RBPMS: variants seen among roughly 807,000 people sequenced by gnomAD.
RBPMS encodes RNA-binding protein with multiple splicing.
In RBPMS, 7 loss-of-function variants were observed where a neutral mutation model predicts 26.8. The observed-to-expected ratio is 0.26, with a 90% CI of 0.15 to 0.49. The LOEUF (loss-of-function observed/expected upper bound fraction) is 0.49. RBPMS is among the 20% of genes least tolerant of loss of function. RBPMS has a pLI of 0.98. For synonymous variants in RBPMS, 96 were observed against 93.3 expected (o/e 1.03, Z -0.17); for missense variants, 186 against 250.0 (o/e 0.74, Z 1.73).
chr8:30,467,578 TGACTGAAACCAG>T (rs148612533), intron 1 of RBPMS, among the ~76,000 whole-genome samples: 3,164 of 152,330 alleles, frequency 0.021, 130 homozygotes, highest in African/African-American at 0.072. Flanking sequence ...AATACCCCTT[TGACTGAAACCAG>T]GATGTTTCTG....
intron 1 of RBPMS, among the ~76,000 whole-genome samples, chr8:30,418,387 T>C (rs1199375090): frequency 6.6e-6 from 1 of 152,184 alleles, no homozygotes; most frequent in African/African-American, 2.4e-5. Flanking sequence ...GGCTTAGAGA[T>C]TGTCCTTCTT....
intron 4 of RBPMS, among the ~76,000 whole-genome samples, chr8:30,498,364 T>C (rs116172909): frequency 0.012 from 1,836 of 152,318 alleles, 37 homozygotes; most frequent in African/African-American, 0.039. Flanking sequence ...ATAATATATA[T>C]TCATAAGTGG....
chr8:30,515,867 G>C (rs1051668749), intron 5 of RBPMS, among the ~76,000 whole-genome samples: 2 of 151,976 alleles, frequency 1.3e-5, no homozygotes, highest in East Asian at 3.9e-4. Context: ...TTGTTGCCCA[G>C]GCTGGTCTTG....
At position 30,537,529 on chromosome 8, in the gene RBPMS, A is replaced by G. The variant is rs1184986398; in HGVS notation, c.398-6965A>G. On this transcript the variant is annotated intron_variant, in intron 5 of 8. Transcript: ENST00000397323. ...AATAGAAGTAGGGATGGGAATGAGA[A>G]AGACATAGAGAATATGTCTTTACAT... The G allele has an allele frequency of 1.1e-5, 5 of 456,042 alleles. No individual in the cohort carries two copies. The East Asian group carries it at 3.5e-4, about 32-fold the overall frequency. 28.2% of individuals were successfully genotyped at this position (456,042 alleles called of 1,614,324 possible).
intron 1 of RBPMS, among the ~76,000 whole-genome samples, chr8:30,424,852 G>GT (rs888036568): frequency 2.0e-5 from 3 of 152,110 alleles, no homozygotes; most frequent in African/African-American, 7.2e-5. Flanking sequence ...GTATTTCCAA[G>GT]TTTTTTGACA....
chr8:30,556,194 T>C (rs1424957602), intron 6 of RBPMS: 3 of 985,374 alleles, frequency 3.0e-6, no homozygotes, highest in Non-Finnish European at 3.6e-6. Flanking sequence ...CGCCACCACA[T>C]CCACTCTGAG....
intron 5 of RBPMS, among the ~76,000 whole-genome samples, chr8:30,524,275 T>C (rs977495284): frequency 6.6e-6 from 1 of 152,202 alleles, no homozygotes; most frequent in African/African-American, 2.4e-5. Flanking sequence ...TTATTGTCTT[T>C]TGGTTATGTT....
chr8:30,451,308 A>G (rs1019763710), intron 1 of RBPMS, among the ~76,000 whole-genome samples: 1 of 152,204 alleles, frequency 6.6e-6, no homozygotes, highest in African/African-American at 2.4e-5. Flanking sequence ...TCTGTTTATA[A>G]TAAACTTCAT....
intron 8 of RBPMS, among the ~76,000 whole-genome samples, chr8:30,570,171 G>T (rs1828172115): frequency 6.6e-6 from 1 of 151,668 alleles, no homozygotes; most frequent in Admixed American, 6.6e-5. Context: ...AATCTAACTT[G>T]GGACAAAATC....
intron 3 of RBPMS, among the ~76,000 whole-genome samples, chr8:30,478,778 G>A (rs781739058): frequency 6.6e-6 from 1 of 152,200 alleles, no homozygotes; most frequent in Non-Finnish European, 1.5e-5. Flanking sequence ...GATTACAGGC[G>A]TGAGCCACCC....
At chr8:30,444,414 C>A (rs938962366) in intron 1 of RBPMS, among the ~76,000 whole-genome samples, 3 of 152,164 alleles carry the variant, frequency 2.0e-5, no homozygotes, top group Non-Finnish European at 2.9e-5. Flanking sequence ...CCAGACTCAG[C>A]ACTATAGGCT....
intron 1 of RBPMS, among the ~76,000 whole-genome samples, chr8:30,391,646 C>T (rs1276406005): frequency 6.6e-6 from 1 of 152,156 alleles, no homozygotes; most frequent in East Asian, 1.9e-4. Flanking sequence ...ATGGGGATAA[C>T]TCCTCACACT....
intron 5 of RBPMS, among the ~76,000 whole-genome samples, chr8:30,530,754 G>A (rs1346508696): frequency 4.6e-5 from 7 of 152,096 alleles, no homozygotes; most frequent in South Asian, 2.1e-4. Flanking sequence ...GAGCCACCAC[G>A]CCTGGCCATT....
intron 6 of RBPMS, among the ~76,000 whole-genome samples, chr8:30,548,494 A>C (rs1826039029): frequency 6.6e-6 from 1 of 152,226 alleles, no homozygotes; most frequent in African/African-American, 2.4e-5. Flanking sequence ...GTCCAGAGTA[A>C]CAGCAGTTCT....
intron 6 of RBPMS, among the ~76,000 whole-genome samples, chr8:30,555,702 T>TCCCCATTA (rs1826815554): frequency 6.6e-6 from 1 of 152,238 alleles, no homozygotes; most frequent in Admixed American, 6.5e-5. Context: ...ACTAGCCTGC[T>TCCCCATTA]GAACTGTTTG....
intron 1 of RBPMS, among the ~76,000 whole-genome samples, chr8:30,430,926 C>CTTATT (rs1811858537): frequency 6.6e-6 from 1 of 152,122 alleles, no homozygotes. Flanking sequence ...ACAAGGCCTT[C>CTTATT]TTATTTGGTG....
At chr8:30,518,686 A>ATTTTTTTT (rs1563402271) in intron 5 of RBPMS, among the ~76,000 whole-genome samples, 1 of 8,106 alleles carries the variant, frequency 1.2e-4, no homozygotes, top group Non-Finnish European at 3.3e-4. Context: ...GCCAAGCATG[A>ATTTTTTTT]CTTTTTTTTT....
Position 30,558,918 on chromosome 8 carries a change from C to T in RBPMS, c.560C>T (p.Ser187Phe). ...TGGCTCCCTCCCTCCGAGGCTACTT[C>T]TCAGGGCTGGAAGTCCCGTCAGTTC... is the stretch of plus-strand genomic sequence containing the variant. ...MRWLPPSEAT[S>F]QGWKSRQFC The change falls in exon 7 of 9, where the codon TCT (serine) becomes TTT (phenylalanine). Residue 187 changes from serine (S) to phenylalanine (F), a missense_variant. Coordinates refer to ENST00000397323, the MANE Select transcript of RBPMS (RefSeq NM_001008710.3). The T allele has an allele frequency of 6.2e-7, 1 of 1,614,214 alleles. No individual in the cohort carries two copies. The highest frequency in any genetic ancestry group is 1.1e-5 in the South Asian group (1 of 91,092).
At chr8:30,439,163 T>C (rs1460359406) in intron 1 of RBPMS, among the ~76,000 whole-genome samples, 1 of 152,244 alleles carries the variant, frequency 6.6e-6, no homozygotes, top group African/African-American at 2.4e-5. Flanking sequence ...ATTTTGTTCT[T>C]ATTTGAGACT....
Sources: gnomAD v4.1 joint callset for allele counts (sites outside exome capture counted in the v4.1 genomes callset) on GRCh38, gnomAD v4.1.1 for gene constraint, MANE v1.5 for transcripts, NCBI Gene and HGNC (gene_info 2026-07-23, HGNC 2026-07-21) for gene names.